Variants in CNTN5 observed in about 807,000 individuals in gnomAD.
CNTN5 encodes the protein contactin 5.
In CNTN5, 77 loss-of-function variants were observed where a neutral mutation model predicts 129.1. The ratio of observed to expected loss-of-function variants is 0.60; its 90% CI spans 0.50 to 0.72. The LOEUF is 0.72. CNTN5 is among the 30% of genes least tolerant of loss of function. The pLI is 0.00. For missense variants in CNTN5, 1,478 were observed against 1,328.8 expected, an observed-to-expected ratio of 1.11 and a Z score of -1.75; for synonymous variants, 509 against 465.6, an observed-to-expected ratio of 1.09 and a Z score of -1.20.
rs546702188 is a variant in CNTN5, at chr11:99,839,464, G to A, written c.278-5388G>A. ...GTTTTTGTATGGGAGGACCATTGAA[G>A]TTGAGGCAGAGGGAAGGAGGCAAGA... On this transcript the variant is annotated intron_variant, in intron 4 of 24. Coordinates refer to ENST00000524871, the MANE Select transcript of CNTN5 (RefSeq NM_014361.4). Among the ~76,000 whole-genome samples, 49 of 152,084 alleles carry A rather than the reference G, an allele frequency of 3.2e-4. 1 individual carries two copies. The South Asian group carries it at 9.8e-3, about 30-fold the overall frequency.
In CNTN5 at chr11:100,111,005, CA is replaced by C. The variant is rs5794036; in HGVS notation, c.1580+36723del. Among the ~76,000 whole-genome samples, 1,433 of 147,216 alleles carry C rather than the reference CA, an allele frequency of 9.7e-3. 20 individuals are homozygous for C. The highest frequency in any genetic ancestry group is 0.031 in the African/African-American group (1,256 of 40,418). On this transcript the variant is annotated intron_variant, in intron 13 of 24. Transcript: ENST00000524871. ...TATAGCTTTTCTTGAAGTGTTAATGCAAAAAAAAAAAATGTAAAGACAAAGA... is the reference window on the plus strand; with the variant it reads ...TATAGCTTTTCTTGAAGTGTTAATGCAAAAAAAAAAATGTAAAGACAAAGA...
chr11:99,387,697 C>T (rs1445752770), intron 2 of CNTN5, among the ~76,000 whole-genome samples: 1 of 152,080 alleles, frequency 6.6e-6, no homozygotes, highest in Non-Finnish European at 1.5e-5. Context: ...GCTTCCCCTG[C>T]CACAAGGACC....
At chr11:100,080,487 C>T (rs932525220) in intron 13 of CNTN5, among the ~76,000 whole-genome samples, 10 of 152,082 alleles carry the variant, frequency 6.6e-5, no homozygotes, top group African/African-American at 2.2e-4. Context: ...TATTAGGCAA[C>T]AATGATGAAG....
intron 6 of CNTN5, among the ~76,000 whole-genome samples, chr11:99,847,507 T>C (rs1947738045): frequency 1.3e-5 from 2 of 152,200 alleles, no homozygotes; most frequent in South Asian, 4.1e-4. Flanking sequence ...CCCTCTCTAC[T>C]TTCCACCAAA....
intron 2 of CNTN5, among the ~76,000 whole-genome samples, chr11:99,511,617 T>G (rs4562794): frequency 4.6e-4 from 70 of 151,380 alleles, no homozygotes; most frequent in African/African-American, 1.6e-3. Flanking sequence ...TCTGTCTCGT[T>G]GATCTGTCTA....
chr11:100,118,465 C>A (rs1475464130), intron 13 of CNTN5, among the ~76,000 whole-genome samples: 6 of 151,870 alleles, frequency 4.0e-5, no homozygotes, highest in Non-Finnish European at 8.8e-5. Context: ...ATATAAAATG[C>A]AAATGACTCT....
chr11:100,309,102 CTCTTGT>C, intron 21 of CNTN5: 1 of 985,112 alleles, frequency 1.0e-6, no homozygotes. Flanking sequence ...TCTCACACAG[CTCTTGT>C]TCTTGTTCTT....
chr11:99,782,549 G>A (rs1316792903), intron 3 of CNTN5, among the ~76,000 whole-genome samples: 1 of 151,620 alleles, frequency 6.6e-6, no homozygotes, highest in Non-Finnish European at 1.5e-5. Flanking sequence ...AACAAAGCTG[G>A]AGGCATCACA....
rs139061093 is a variant in CNTN5, at chr11:99,674,624, C to T, written c.55+118355C>T. Among the ~76,000 whole-genome samples, 474 of 152,202 alleles carry T rather than the reference C, an allele frequency of 3.1e-3. 4 individuals carry two copies. The highest frequency in any genetic ancestry group is 9.6e-3 in the African/African-American group (400 of 41,534). On this transcript the variant is annotated intron_variant, in intron 3 of 24. Coordinates refer to ENST00000524871, the MANE Select transcript of CNTN5 (RefSeq NM_014361.4). ...TGCAATCACTCTTGTCAGACCCAAA[C>T]GAATTGCAGCTGAAAAAGCACAAAG... is the stretch of plus-strand genomic sequence containing the variant.
In CNTN5 at chr11:99,835,375, G is replaced by A. The variant is rs2135637323; in HGVS notation, c.278-9477G>A. Among the ~76,000 whole-genome samples, 3 of 152,294 alleles carry A rather than the reference G, an allele frequency of 2.0e-5. No individual in the cohort carries two copies. In the South Asian group the frequency reaches 6.2e-4, roughly 32 times the overall value. On this transcript the variant is annotated intron_variant, in intron 4 of 24. Coordinates refer to ENST00000524871, the MANE Select transcript of CNTN5 (RefSeq NM_014361.4). ...AGGGTTCCTATGTGGGCCAGGGTTT[G>A]TGTGGTGTAAACTTCTCCACTGGAG...
At chr11:99,714,304 A>G (rs1425889249) in intron 3 of CNTN5, among the ~76,000 whole-genome samples, 1 of 151,930 alleles carries the variant, frequency 6.6e-6, no homozygotes, top group Non-Finnish European at 1.5e-5. Flanking sequence ...GTGCATATAC[A>G]TCCCAGAAAA....
chr11:99,123,958 T>C (rs185632209), intron 1 of CNTN5, among the ~76,000 whole-genome samples: 8 of 152,064 alleles, frequency 5.3e-5, no homozygotes, highest in Admixed American at 3.3e-4. Context: ...CCTTGTAGTA[T>C]AGTTTGTGAT....
chr11:99,629,883 A>G (rs909547762), intron 3 of CNTN5, among the ~76,000 whole-genome samples: 1 of 151,826 alleles, frequency 6.6e-6, no homozygotes, highest in Non-Finnish European at 1.5e-5. Flanking sequence ...AATACTTGAT[A>G]TAAAATATTT....
At chr11:99,164,220 G>A (rs1024235506) in intron 1 of CNTN5, among the ~76,000 whole-genome samples, 1 of 151,348 alleles carries the variant, frequency 6.6e-6, no homozygotes, top group Non-Finnish European at 1.5e-5. Flanking sequence ...TAGCTAATCA[G>A]GAAGCTGAGG....
intron 13 of CNTN5, among the ~76,000 whole-genome samples, chr11:100,074,741 T>C (rs1944058354): frequency 6.6e-6 from 1 of 152,164 alleles, no homozygotes; most frequent in Admixed American, 6.6e-5. Context: ...TGTCTTTTTA[T>C]CCAGGTCATA....
intron 3 of CNTN5, among the ~76,000 whole-genome samples, chr11:99,800,085 T>G (rs2135475686): frequency 6.6e-6 from 1 of 152,270 alleles, no homozygotes. Flanking sequence ...TCTAACTTTT[T>G]ATGATAGATA....
intron 1 of CNTN5, among the ~76,000 whole-genome samples, chr11:99,271,826 C>T (rs1863185848): frequency 6.6e-6 from 1 of 151,776 alleles, no homozygotes; most frequent in South Asian, 2.1e-4. Flanking sequence ...TAGTAGCTGC[C>T]TTGCCCAGAC....
intron 3 of CNTN5, among the ~76,000 whole-genome samples, chr11:99,768,686 C>T (rs1447711202): frequency 6.6e-6 from 1 of 152,054 alleles, no homozygotes; most frequent in East Asian, 1.9e-4. Flanking sequence ...CAATGATACA[C>T]ACTTCCCATT....
intron 2 of CNTN5, among the ~76,000 whole-genome samples, chr11:99,541,956 C>CA (rs56363127): frequency 0.041 from 2,814 of 68,618 alleles, 142 homozygotes; most frequent in African/African-American, 0.11. Context: ...GATCTTGTCT[C>CA]AAAAAAAAAA....
Sources: gnomAD v4.1 joint callset for allele counts (sites outside exome capture counted in the v4.1 genomes callset) on GRCh38, gnomAD v4.1.1 for gene constraint, MANE v1.5 for transcripts, NCBI Gene and HGNC (gene_info 2026-07-23, HGNC 2026-07-21) for gene names.